The following RAB40C variants were observed in gnomAD, a reference collection of about 807,000 sequenced individuals.
RAB40C encodes the protein RAB40C, member RAS oncogene family, also known as ras-related protein Rab-40C.
A neutral mutation model predicts 28.1 loss-of-function variants in RAB40C; 8 were observed. The observed-to-expected ratio is 0.28, with a 90% CI of 0.17 to 0.51. RAB40C has a LOEUF of 0.51. Ranked by LOEUF, RAB40C falls within the 20% of genes least tolerant of loss-of-function variation. The pLI is 0.97. For synonymous variants in RAB40C, 201 were observed against 171.7 expected, an observed-to-expected ratio of 1.17 and a Z score of -1.34; for missense variants, 288 against 405.9, an observed-to-expected ratio of 0.71 and a Z score of 2.50.
At chr16:621,004 T>G (rs969535480) in intron 3 of RAB40C, among the ~76,000 whole-genome samples, 1 of 152,254 alleles carries the variant, frequency 6.6e-6, no homozygotes, top group African/African-American at 2.4e-5. Context: ...AGCTCTGTTA[T>G]CATCTCCGTG....
chr16:614,999 G>GT (rs2036558737), intron 1 of RAB40C, among the ~76,000 whole-genome samples: 1 of 152,342 alleles, frequency 6.6e-6, no homozygotes, highest in South Asian at 2.1e-4. Flanking sequence ...GCTCACAGCC[G>GT]TGGCCCTTTT....
chr16:591,484 C>G (rs543166178), intron 1 of RAB40C, among the ~76,000 whole-genome samples: 37 of 152,298 alleles, frequency 2.4e-4, no homozygotes, highest in African/African-American at 7.7e-4. Context: ...GCACGCTGTT[C>G]CCCTGAGGTA....
At chr16:594,082 G>A (rs780951373) in intron 1 of RAB40C, among the ~76,000 whole-genome samples, 3 of 152,280 alleles carry the variant, frequency 2.0e-5, no homozygotes, top group South Asian at 2.1e-4. Context: ...AAGCCCAGCC[G>A]CTCCCGCTCT....
chr16:611,975 G>C, intron 1 of RAB40C, among the ~76,000 whole-genome samples: 1 of 54,568 alleles, frequency 1.8e-5, no homozygotes, highest in Non-Finnish European at 3.3e-5. Context: ...CAAGAGCAAG[G>C]GACAGCCGCC....
At chr16:590,661 A>C (rs1367997672) in intron 1 of RAB40C, among the ~76,000 whole-genome samples, 1 of 152,126 alleles carries the variant, frequency 6.6e-6, no homozygotes, top group African/African-American at 2.4e-5. Flanking sequence ...CCCAGCGGGG[A>C]CGGTGCCATG....
intron 3 of RAB40C, among the ~76,000 whole-genome samples, chr16:620,624 C>T (rs545032064): frequency 7.7e-6 from 1 of 129,448 alleles, no homozygotes; most frequent in African/African-American, 2.9e-5. Flanking sequence ...CCCAGCCCCC[C>T]CCGACGGGCT....
At chr16:594,393 G>A (rs11639703) in intron 1 of RAB40C, among the ~76,000 whole-genome samples, 20,381 of 152,184 alleles carry the variant, frequency 0.13, 1,777 homozygotes, top group South Asian at 0.24. Context: ...GGTTTGCTGT[G>A]GATGTTGGGG....
At chr16:595,637 CTG>C (rs2151059484) in intron 1 of RAB40C, among the ~76,000 whole-genome samples, 1 of 145,290 alleles carries the variant, frequency 6.9e-6, no homozygotes, top group South Asian at 2.2e-4. Flanking sequence ...GAGTCTAACT[CTG>C]TTGCCCAGGC....
At chr16:603,271 A>G (rs1018340970) in intron 1 of RAB40C, among the ~76,000 whole-genome samples, 1 of 152,226 alleles carries the variant, frequency 6.6e-6, no homozygotes, top group African/African-American at 2.4e-5. Context: ...GACATTTGGC[A>G]TGCTGGTGTA....
At chr16:608,760 C>T (rs2036418260) in intron 1 of RAB40C, among the ~76,000 whole-genome samples, 1 of 152,178 alleles carries the variant, frequency 6.6e-6, no homozygotes, top group African/African-American at 2.4e-5. Flanking sequence ...GTAGTCCCCA[C>T]TCCTTGGGAG....
In RAB40C at chr16:591,258, A is replaced by G. The variant is rs556807947; in HGVS notation, c.142+825A>G. On this transcript the variant is annotated intron_variant, in intron 1 of 5. Coordinates refer to ENST00000248139, the MANE Select transcript of RAB40C (RefSeq NM_021168.5). The stretch of plus-strand genomic sequence containing the variant: ...TGGGTCTAGGATCATCTGGGGTCTG[A>G]GGGAAGGTGTCATAGATCTGGGGGA... Among the ~76,000 whole-genome samples the G allele has an allele frequency of 7.2e-4, 106 of 147,468 alleles. 1 individual carries two copies. Among genetic ancestry groups the G allele is most frequent in the African/African-American group, 2.5e-3 (97 of 39,428 alleles).
chr16:613,825 G>T (rs1440557431), intron 1 of RAB40C, among the ~76,000 whole-genome samples: 1 of 152,052 alleles, frequency 6.6e-6, no homozygotes, highest in African/African-American at 2.4e-5. Flanking sequence ...GGTGGGGGTC[G>T]TGGGCAGCAC....
At chr16:616,333 T>TTTTTTTTATTTATTTA (rs376410585) in intron 1 of RAB40C, among the ~76,000 whole-genome samples, 5 of 141,570 alleles carry the variant, frequency 3.5e-5, no homozygotes, top group Non-Finnish European at 7.6e-5. Flanking sequence ...AGAAGCAGCA[T>TTTTTTTTATTTATTTA]TTTATTTATT....
chr16:627,323 C>G lies in RAB40C; in HGVS notation c.566-19C>G, dbSNP rs374574255. On this transcript the variant is annotated intron_variant, in intron 5 of 5. Coordinates refer to ENST00000248139, the MANE Select transcript of RAB40C (RefSeq NM_021168.5). ...CCTCCCCCACAGCCCCATGGTCTGA[C>G]ACCCCCTCTGCCCCACAGTGTTCAG... 2 of 1,605,682 alleles carry G rather than the reference C, an allele frequency of 1.2e-6. No homozygotes were observed. Among genetic ancestry groups the G allele is most frequent in the South Asian group, 2.2e-5 (2 of 89,840 alleles).
chr16:593,645 T>C (rs998356487), intron 1 of RAB40C, among the ~76,000 whole-genome samples: 5 of 152,200 alleles, frequency 3.3e-5, no homozygotes, highest in African/African-American at 9.7e-5. Flanking sequence ...CACAAACAAA[T>C]GAGTCATCGA....
In RAB40C at chr16:590,332, T is replaced by G. The variant is rs1025699962; in HGVS notation, c.41T>G (p.Leu14Arg). 7 of 1,592,632 alleles carry G rather than the reference T, an allele frequency of 4.4e-6. No individual in the cohort carries two copies. Among genetic ancestry groups the G allele is most frequent in the African/African-American group, 1.4e-5 (1 of 72,062 alleles). Residue 14 changes from leucine to arginine, a missense_variant, in exon 1 of 6, where the codon CTG (leucine) becomes CGG (arginine). Leu to Arg is a moderately radical substitution (Grantham distance 102, BLOSUM62 -2). This residue lies in a region of RAB40C where 78 missense variants were observed against 88.2 expected (regional missense o/e 0.88). Coordinates refer to ENST00000248139, the MANE Select transcript of RAB40C (RefSeq NM_021168.5). ...AGTCCGGTGAAGAGCTACGACTACCTGCTCAAGTTCCTGCTGGTGGGCGAC... is the reference window on the plus strand; with the variant it reads ...AGTCCGGTGAAGAGCTACGACTACCGGCTCAAGTTCCTGCTGGTGGGCGAC... ...QGSPVKSYDY[L>R]LKFLLVGDSD...
chr16:595,715 G>C (rs1236033872), intron 1 of RAB40C, among the ~76,000 whole-genome samples: 1 of 150,328 alleles, frequency 6.7e-6, no homozygotes, highest in African/African-American at 2.5e-5. Context: ...TGATTCTACT[G>C]CCTCAGCCTC....
intron 1 of RAB40C, among the ~76,000 whole-genome samples, chr16:595,090 T>C (rs1368291139): frequency 1.3e-5 from 2 of 152,168 alleles, no homozygotes; most frequent in East Asian, 3.9e-4. Flanking sequence ...GCTCGTTTTC[T>C]GGGGCAGTGT....
intron 4 of RAB40C, 172 bp from the exon 5 acceptor site, chr16:625,727 G>T: frequency 1.2e-6 from 1 of 834,750 alleles, no homozygotes; most frequent in African/African-American, 1.7e-5. Context: ...CCACCCGGAA[G>T]GGCTGCACTG....
Sources: allele counts gnomAD v4.1 joint callset (sites outside exome capture counted in the v4.1 genomes callset), GRCh38; gene constraint gnomAD v4.1.1; regional missense constraint gnomAD v4.1.1; transcripts MANE v1.5; gene names NCBI Gene and HGNC (gene_info 2026-07-23, HGNC 2026-07-21).